Variants in CFAP20DC observed in about 807,000 individuals in gnomAD.
CFAP20DC encodes the protein protein CFAP20DC.
A neutral mutation model predicts 101.7 loss-of-function variants in CFAP20DC; 84 were observed. That is an observed-to-expected ratio of 0.83 (90% CI 0.69 to 0.99). CFAP20DC has a LOEUF of 0.99. Among genes scored for constraint, CFAP20DC ranks in the 50% least tolerant of loss-of-function variants. CFAP20DC has a pLI of 0.00. For missense variants in CFAP20DC, 1,007 were observed against 970.3 expected (o/e 1.04, Z -0.50); for synonymous variants, 359 against 351.2 (o/e 1.02, Z -0.25).
chr3:58,921,764 C>T (rs2085401171), intron 5 of CFAP20DC, among the ~76,000 whole-genome samples: 1 of 152,148 alleles, frequency 6.6e-6, no homozygotes, highest in African/African-American at 2.4e-5. Flanking sequence ...AAGTCTATAT[C>T]TTTAGTGATT....
At chr3:58,958,129 T>C (rs1205387568) in intron 4 of CFAP20DC, among the ~76,000 whole-genome samples, 1 of 152,158 alleles carries the variant, frequency 6.6e-6, no homozygotes, top group African/African-American at 2.4e-5. Flanking sequence ...ATGCCTATTA[T>C]GCACCCACAA....
intron 12 of CFAP20DC, among the ~76,000 whole-genome samples, chr3:58,850,087 A>G (rs1301041944): frequency 6.6e-6 from 1 of 152,202 alleles, no homozygotes; most frequent in African/African-American, 2.4e-5. Context: ...GTGATTTTCC[A>G]TAGAAATGCA....
At chr3:58,890,682 G>A (rs1391196877) in intron 6 of CFAP20DC, among the ~76,000 whole-genome samples, 8 of 149,728 alleles carry the variant, frequency 5.3e-5, no homozygotes, top group Non-Finnish European at 8.9e-5. Flanking sequence ...GTGGTTGCCA[G>A]GCAGAGGGTC....
At chr3:58,745,927 T>C (rs562555958) in intron 16 of CFAP20DC, among the ~76,000 whole-genome samples, 6 of 152,274 alleles carry the variant, frequency 3.9e-5, no homozygotes, top group African/African-American at 1.4e-4. Context: ...CTGTCATTGT[T>C]CCTATGAGGA....
chr3:58,974,411 A>G (rs2092148693), intron 4 of CFAP20DC, among the ~76,000 whole-genome samples: 1 of 152,120 alleles, frequency 6.6e-6, no homozygotes, highest in Admixed American at 6.6e-5. Flanking sequence ...CCCCAGCTGC[A>G]TCCATGTTGC....
chr3:58,785,803 A>G (rs866126791), intron 15 of CFAP20DC, among the ~76,000 whole-genome samples: 6 of 151,886 alleles, frequency 4.0e-5, no homozygotes, highest in Admixed American at 2.0e-4. Context: ...CACAGGAAAA[A>G]CTCTCTCTAC....
At chr3:58,737,467 A>C (rs2067783828), downstream of CFAP20DC, among the ~76,000 whole-genome samples, 1 of 152,192 alleles carries the variant, frequency 6.6e-6, no homozygotes, top group Non-Finnish European at 1.5e-5. The surrounding 1 kb of genome is among the most constrained non-coding windows in gnomAD (Gnocchi z 4.1). Context: ...CATTTCTCAA[A>C]GGATGTGAGT....
chr3:58,817,979 CA>C (rs1318446405), intron 14 of CFAP20DC, among the ~76,000 whole-genome samples: 1 of 150,480 alleles, frequency 6.6e-6, no homozygotes, highest in Non-Finnish European at 1.5e-5. Context: ...GAGTGGGAGC[CA>C]ATATTCAACA....
intron 4 of CFAP20DC, 136 bp downstream of exon 4, chr3:59,039,421 C>T: frequency 1.7e-6 from 1 of 581,732 alleles, no homozygotes; most frequent in Admixed American, 3.7e-5. Flanking sequence ...AGTTTAATTA[C>T]TTGATGTTGA....
chr3:58,851,202 G>A (rs2078198276), intron 12 of CFAP20DC, among the ~76,000 whole-genome samples: 1 of 152,170 alleles, frequency 6.6e-6, no homozygotes, highest in Non-Finnish European at 1.5e-5. Flanking sequence ...GTAGGGGAAT[G>A]TCACAATGAC....
rs76371493 is a variant in CFAP20DC at position 58,927,754 on chromosome 3, C to A, written c.393+9894G>T. Among the ~76,000 whole-genome samples the A allele has an allele frequency of 2.2e-3, 342 of 152,282 alleles. 3 individuals are homozygous for A. The highest frequency in any genetic ancestry group is 8.1e-3 in the African/African-American group (335 of 41,568). ...CAGAGAACTGGGGCCAATACCACAT[C>A]AACAACAGGAAGGCCACTAGAGATG... On this transcript the variant is annotated intron_variant, in intron 5 of 16. Transcript: ENST00000482387.
chr3:58,792,434 AG>A (rs1441287006), intron 15 of CFAP20DC, among the ~76,000 whole-genome samples: 1 of 152,142 alleles, frequency 6.6e-6, no homozygotes, highest in African/African-American at 2.4e-5. Flanking sequence ...TTGAATATTA[AG>A]ATATTAGAAT....
At position 58,863,678 on chromosome 3, in the gene CFAP20DC, C is replaced by G. The variant is rs2079438560; in HGVS notation, c.1473G>C (p.Lys491Asn). ...GCTCCTCTGGGGACATAGTCTGAGT[C>G]TTTCCATGAGGTGCTGATCGTGGTC... is the stretch of plus-strand genomic sequence containing the variant. The part of the protein sequence containing the change: ...SSRPRSAPHG[K>N]TQTMSPEELS... Residue 491 changes from lysine to asparagine, a missense_variant, in exon 12 of 17, where the codon AAG becomes AAC. Transcript: ENST00000482387. The surrounding 1 kb of genome is among the most constrained non-coding windows in gnomAD (Gnocchi z 5.9). The G allele has an allele frequency of 6.2e-7, 1 of 1,614,152 alleles. No individual in the cohort carries two copies.
At chr3:58,982,512 A>G (rs1421201223) in intron 4 of CFAP20DC, among the ~76,000 whole-genome samples, 2 of 152,040 alleles carry the variant, frequency 1.3e-5, no homozygotes, top group African/African-American at 2.4e-5. Context: ...TACACCATGG[A>G]ATACTATGCA....
intron 15 of CFAP20DC, among the ~76,000 whole-genome samples, chr3:58,784,625 C>T (rs531802882): frequency 1.3e-5 from 2 of 152,162 alleles, no homozygotes; most frequent in Admixed American, 1.3e-4. Flanking sequence ...CTGTGATGAA[C>T]ATGACAGCGC....
intron 6 of CFAP20DC, among the ~76,000 whole-genome samples, chr3:58,902,205 T>G (rs1012270286): frequency 3.3e-5 from 5 of 152,226 alleles, no homozygotes; most frequent in African/African-American, 9.6e-5. Context: ...TGATGAACAC[T>G]TGGGCTGTTT....
At chr3:58,790,239 T>C (rs964675064) in intron 15 of CFAP20DC, among the ~76,000 whole-genome samples, 1 of 152,228 alleles carries the variant, frequency 6.6e-6, no homozygotes, top group African/African-American at 2.4e-5. Context: ...ATGGCTCAGT[T>C]TGTCTGTTTT....
intron 15 of CFAP20DC, among the ~76,000 whole-genome samples, chr3:58,779,217 AT>A (rs1470120173): frequency 1.3e-5 from 2 of 152,242 alleles, no homozygotes; most frequent in African/African-American, 4.8e-5. Context: ...CAATATAAAA[AT>A]ATCAGAAAAA....
At chr3:58,984,892 T>A (rs1046767894) in intron 4 of CFAP20DC, among the ~76,000 whole-genome samples, 5 of 152,128 alleles carry the variant, frequency 3.3e-5, no homozygotes, top group Admixed American at 2.6e-4. Flanking sequence ...GATTGCTCAA[T>A]AAATTTTGGT....
Sources: allele counts gnomAD v4.1 joint callset (sites outside exome capture counted in the v4.1 genomes callset), GRCh38; gene constraint gnomAD v4.1.1; non-coding constraint Gnocchi (gnomAD v3.1); transcripts MANE v1.5; gene names NCBI Gene and HGNC (gene_info 2026-07-23, HGNC 2026-07-21).